The following ADAMTSL1 variants were observed in gnomAD, a reference collection of about 807,000 sequenced individuals.
ADAMTSL1 encodes the protein ADAMTS like 1, also known as ADAMTS-like protein 1.
In ADAMTSL1, 126 loss-of-function variants were observed where a neutral mutation model predicts 201.8. The observed-to-expected ratio is 0.62, with a 90% confidence interval of 0.54 to 0.72. ADAMTSL1 has a LOEUF of 0.72. Among genes scored for constraint, ADAMTSL1 ranks in the 30% least tolerant of loss-of-function variants. ADAMTSL1 has a pLI of 0.00. For synonymous variants in ADAMTSL1, 1,121 were observed against 903.4 expected, an observed-to-expected ratio of 1.24 and a Z score of -4.32; for missense variants, 2,679 against 2,277.8, an observed-to-expected ratio of 1.18 and a Z score of -3.59.
At chr9:18,000,806 C>T (rs534281561) in intron 1 of ADAMTSL1, among the ~76,000 whole-genome samples, 10 of 152,126 alleles carry the variant, frequency 6.6e-5, no homozygotes, top group East Asian at 1.9e-4. Context: ...TAGGCCAGAG[C>T]GGCTCAGGTG....
At chr9:18,112,565 C>A (rs1361291567) in intron 1 of ADAMTSL1, among the ~76,000 whole-genome samples, 2 of 151,860 alleles carry the variant, frequency 1.3e-5, no homozygotes, top group Non-Finnish European at 2.9e-5. Context: ...ACCAACTGCA[C>A]CCATGTTTTT....
intron 23 of ADAMTSL1, among the ~76,000 whole-genome samples, chr9:18,833,316 C>A (rs989135891): frequency 1.3e-5 from 2 of 152,178 alleles, no homozygotes; most frequent in Non-Finnish European, 2.9e-5. Flanking sequence ...ATTTACACTC[C>A]CACCAACAGT....
At chr9:18,757,615 G>C (rs971627811) in intron 16 of ADAMTSL1, among the ~76,000 whole-genome samples, 3 of 151,996 alleles carry the variant, frequency 2.0e-5, no homozygotes, top group African/African-American at 7.2e-5. Flanking sequence ...CCACTCCCCT[G>C]TGCTGGTCAA....
rs1314530346 is a variant in ADAMTSL1 at position 18,580,966 on chromosome 9, T to TC, written c.474+6700_474+6701insC. Among the ~76,000 whole-genome samples the TC allele has an allele frequency of 2.3e-4, 35 of 152,118 alleles. No homozygotes were observed. The South Asian group carries it at 7.3e-3, about 32-fold the overall frequency. On this transcript the variant is annotated intron_variant, in intron 4 of 28. Transcript: ENST00000380548. Reference sequence around the variant, plus strand: ...CTTGAATCATTTCAATTGCATTTTTTTTTTGCCTTCAGGTTAAAAAAATCC... The same window carrying TC: ...CTTGAATCATTTCAATTGCATTTTTTCTTTTGCCTTCAGGTTAAAAAAATCC...
intron 2 of ADAMTSL1, among the ~76,000 whole-genome samples, chr9:18,222,245 T>C (rs922251026): frequency 5.7e-4 from 87 of 152,052 alleles, no homozygotes; most frequent in African/African-American, 1.8e-3. Flanking sequence ...TGATAAACTT[T>C]CTAAAATTTC....
intron 23 of ADAMTSL1, among the ~76,000 whole-genome samples, chr9:18,859,112 C>G (rs1260566598): frequency 6.6e-6 from 1 of 152,200 alleles, no homozygotes; most frequent in Non-Finnish European, 1.5e-5. Flanking sequence ...TAACAAATTA[C>G]CATAGATTTA....
intron 2 of ADAMTSL1, among the ~76,000 whole-genome samples, chr9:18,284,319 C>T (rs183014642): frequency 2.6e-5 from 4 of 152,192 alleles, no homozygotes; most frequent in African/African-American, 9.6e-5. Context: ...TATTTTCCCC[C>T]TTTCTATTCC....
rs149850378 is a variant in ADAMTSL1 at position 18,671,174 on chromosome 9, C to T, written c.1086-4683C>T. Among the ~76,000 whole-genome samples the T allele has an allele frequency of 3.6e-3, 543 of 151,890 alleles. 3 individuals carry two copies. The highest frequency in any genetic ancestry group is 0.012 in the African/African-American group (517 of 41,362). ...ACGCAGGACCCATGGATATAAAGGGCCAATAGTACACAGTTAAAAGTGAGG... is the reference window on the plus strand; with the variant it reads ...ACGCAGGACCCATGGATATAAAGGGTCAATAGTACACAGTTAAAAGTGAGG... On this transcript the variant is annotated intron_variant, in intron 9 of 28. Transcript: ENST00000380548.
intron 26 of ADAMTSL1, 108 bp from the exon 27 acceptor site, chr9:18,905,674 C>A: frequency 1.3e-6 from 1 of 782,348 alleles, no homozygotes. Flanking sequence ...GTCTGAGAGC[C>A]TCCAACAAGA....
intron 17 of ADAMTSL1, among the ~76,000 whole-genome samples, chr9:18,773,630 T>A (rs1289779854): frequency 6.6e-6 from 1 of 152,202 alleles, no homozygotes; most frequent in Non-Finnish European, 1.5e-5. Context: ...AGCCCCCGAA[T>A]CACTTCCTCA....
intron 2 of ADAMTSL1, among the ~76,000 whole-genome samples, chr9:18,267,529 A>T (rs1205326919): frequency 6.6e-6 from 1 of 152,160 alleles, no homozygotes; most frequent in Non-Finnish European, 1.5e-5. Flanking sequence ...CGCATGGCTT[A>T]CAGAAATGAA....
chr9:18,880,749 A>G (rs1340458805), intron 23 of ADAMTSL1, among the ~76,000 whole-genome samples: 1 of 152,164 alleles, frequency 6.6e-6, no homozygotes, highest in Non-Finnish European at 1.5e-5. Flanking sequence ...TTATCCCCTA[A>G]CAAGAGAGTC....
intron 3 of ADAMTSL1, among the ~76,000 whole-genome samples, chr9:18,560,225 T>C (rs533287302): frequency 6.6e-6 from 1 of 152,342 alleles, no homozygotes; most frequent in Non-Finnish European, 1.5e-5. Flanking sequence ...TGAAGGGGTG[T>C]TGAATTTTAT....
chr9:18,802,362 C>A (rs1484494651), intron 20 of ADAMTSL1, among the ~76,000 whole-genome samples: 1 of 152,188 alleles, frequency 6.6e-6, no homozygotes, highest in Admixed American at 6.5e-5. Context: ...ACACTCTTAG[C>A]TACTACTCCC....
intron 8 of ADAMTSL1, among the ~76,000 whole-genome samples, chr9:18,659,854 G>T (rs1266218642): frequency 6.6e-6 from 1 of 151,850 alleles, no homozygotes; most frequent in African/African-American, 2.4e-5. Flanking sequence ...ACATTATTTT[G>T]ATATTTTTAC....
At chr9:18,716,809 T>A (rs533246764) in intron 14 of ADAMTSL1, among the ~76,000 whole-genome samples, 2 of 141,088 alleles carry the variant, frequency 1.4e-5, no homozygotes, top group Admixed American at 1.5e-4. Context: ...TGCGGCATTA[T>A]TCACAATAGC....
chr9:18,427,991 C>T (rs778971018), intron 2 of ADAMTSL1, among the ~76,000 whole-genome samples: 3 of 152,174 alleles, frequency 2.0e-5, no homozygotes, highest in East Asian at 1.9e-4. Context: ...TCTGCAGTGC[C>T]GGAGCTGTCA....
At chr9:18,179,810 C>T (rs1171825429) in intron 2 of ADAMTSL1, among the ~76,000 whole-genome samples, 1 of 152,016 alleles carries the variant, frequency 6.6e-6, no homozygotes, top group African/African-American at 2.4e-5. Context: ...AAATCCTTTA[C>T]AGACAAGCAA....
chr9:18,001,114 C>T (rs1491001380), intron 1 of ADAMTSL1, among the ~76,000 whole-genome samples: 1 of 151,798 alleles, frequency 6.6e-6, no homozygotes, highest in Non-Finnish European at 1.5e-5. Flanking sequence ...GTCACTGTAG[C>T]TCATAATATG....
Sources: gnomAD v4.1 joint callset for allele counts (sites outside exome capture counted in the v4.1 genomes callset) on GRCh38, gnomAD v4.1.1 for gene constraint, MANE v1.5 for transcripts, NCBI Gene and HGNC (gene_info 2026-07-23, HGNC 2026-07-21) for gene names.